ZNF93: variants seen among roughly 807,000 people sequenced by gnomAD.
ZNF93 encodes the protein zinc finger protein 505.
In ZNF93, 29 loss-of-function variants were observed where a neutral mutation model predicts 45.0. That is an observed-to-expected ratio of 0.64 (90% CI 0.48 to 0.88). ZNF93 has a LOEUF of 0.88. Ranked by LOEUF, ZNF93 falls within the 40% of genes least tolerant of loss-of-function variation. The pLI is 0.00. For synonymous variants in ZNF93, 223 were observed against 244.6 expected (o/e 0.91, Z 0.82); for missense variants, 578 against 724.0 (o/e 0.80, Z 2.31).
At chr19:19,912,793 G>C (rs1020385389) in intron 1 of ZNF93, among the ~76,000 whole-genome samples, 1 of 152,006 alleles carries the variant, frequency 6.6e-6, no homozygotes, top group Admixed American at 6.6e-5. Flanking sequence ...CTTAGTACCA[G>C]CTCCCCGGGT....
At chr19:19,916,086 A>G (rs1291951243) in intron 2 of ZNF93, among the ~76,000 whole-genome samples, 7 of 107,080 alleles carry the variant, frequency 6.5e-5, no homozygotes, top group Non-Finnish European at 1.4e-4. Flanking sequence ...TTTTTTTTTG[A>G]GACGGAGTCT....
chr19:19,916,580 G>C lies in ZNF93; in HGVS notation c.151G>C (p.Asp51His). The change falls in exon 3 of 4, where the codon GAC (aspartate) becomes CAC (histidine). Residue 51 changes from aspartate to histidine, a missense_variant. Transcript: ENST00000343769. ...AACAGGTATTGTTGTCTCTAAGCCA[G>C]ACCTGATCGCCCATCTGGAGCAAGG... ...VFLGIVVSKP[D>H]LIAHLEQGKK... The C allele has an allele frequency of 2.5e-6, 4 of 1,612,174 alleles. No individual in the cohort carries two copies. Among genetic ancestry groups the C allele is most frequent in the Non-Finnish European group, 3.4e-6 (4 of 1,179,356 alleles).
At chr19:19,911,202 A>G (rs1172506663) in intron 1 of ZNF93, among the ~76,000 whole-genome samples, 1 of 152,158 alleles carries the variant, frequency 6.6e-6, no homozygotes, top group Non-Finnish European at 1.5e-5. Context: ...GGGCAGTTCC[A>G]TTTTCTATTC....
chr19:19,920,889 C>T (rs1005854177), intron 3 of ZNF93, among the ~76,000 whole-genome samples: 4 of 152,156 alleles, frequency 2.6e-5, no homozygotes, highest in African/African-American at 9.7e-5. Context: ...TTGCAAAAAA[C>T]TAGCTCCTGG....
intron 1 of ZNF93, among the ~76,000 whole-genome samples, chr19:19,911,773 G>A (rs369132826): frequency 6.7e-6 from 1 of 149,966 alleles, no homozygotes; most frequent in African/African-American, 2.5e-5. Context: ...TTTTTGAGAT[G>A]GTGTTTCACT....
intron 1 of ZNF93, among the ~76,000 whole-genome samples, chr19:19,913,287 C>T (rs2122171161): frequency 6.6e-6 from 1 of 152,328 alleles, no homozygotes; most frequent in East Asian, 1.9e-4. Flanking sequence ...TCAGCCCAGG[C>T]TTCTCATTAG....
At chr19:19,927,641 A>G (rs1051628636) in intron 3 of ZNF93, among the ~76,000 whole-genome samples, 1 of 152,250 alleles carries the variant, frequency 6.6e-6, no homozygotes, top group Non-Finnish European at 1.5e-5. Flanking sequence ...AAAGGTGACA[A>G]GATTATTCTC....
chr19:19,910,870 G>A (rs1056168226), intron 1 of ZNF93, among the ~76,000 whole-genome samples: 1 of 152,134 alleles, frequency 6.6e-6, no homozygotes, highest in Non-Finnish European at 1.5e-5. Context: ...ATGAACAAAA[G>A]TCATTTTCTG....
intron 3 of ZNF93, among the ~76,000 whole-genome samples, chr19:19,919,427 G>C (rs1288611153): frequency 6.6e-6 from 1 of 151,952 alleles, no homozygotes; most frequent in South Asian, 2.1e-4. Flanking sequence ...GATTGACTTG[G>C]TAATGTGGGC....
chr19:19,906,532 A>G lies in ZNF93; in HGVS notation c.3+5441A>G, dbSNP rs558548160. On this transcript the variant is annotated intron_variant, in intron 1 of 3. Coordinates refer to ENST00000343769, the MANE Select transcript of ZNF93 (RefSeq NM_031218.4). ...TGCTGTGAAAACCTCTTTAGTTTAA[A>G]TAGGTCCCATTTGTCAATTTTTGCT... is the stretch of plus-strand genomic sequence containing the variant. 2.0e-5 allele frequency among the ~76,000 whole-genome samples: 3 copies of G among 152,152 alleles called. No individual in the cohort carries two copies. The South Asian group carries it at 6.2e-4, about 32-fold the overall frequency.
chr19:19,927,138 G>A (rs2063358635), intron 3 of ZNF93: 1 of 398,432 alleles, frequency 2.5e-6, no homozygotes. Flanking sequence ...GTGCTCATGT[G>A]TAATCCCAGG....
At chr19:19,919,526 C>G (rs1407373829) in intron 3 of ZNF93, among the ~76,000 whole-genome samples, 1 of 152,132 alleles carries the variant, frequency 6.6e-6, no homozygotes, top group Non-Finnish European at 1.5e-5. Flanking sequence ...GGCATTGAAT[C>G]TATAAATTAC....
chr19:19,905,245 C>T (rs895934852), intron 1 of ZNF93, among the ~76,000 whole-genome samples: 2 of 151,804 alleles, frequency 1.3e-5, no homozygotes, highest in African/African-American at 4.8e-5. Context: ...TTTGAGGTAC[C>T]CATGTGGGTT....
Position 19,934,442 on chromosome 19 carries a change from T to A in ZNF93, c.1487T>A (p.Leu496His), listed in dbSNP as rs767572646. Residue 496 changes from leucine to histidine, a missense_variant, in exon 4 of 4, where the codon CTT becomes CAT. Physicochemically the swap from Leu to His is moderately conservative, Grantham distance 99. This residue lies in a region of ZNF93 where 13 missense variants were observed against 53.3 expected (regional missense o/e 0.24). Transcript: ENST00000343769. ...AAAGCTTTTAACCAGTCCTCTTCCC[T>A]TACTAAACATAAGAAAATTCATACT... The part of the protein sequence containing the change: ...CGKAFNQSSS[L>H]TKHKKIHTGE... 1 of 1,613,310 alleles carries A rather than the reference T, an allele frequency of 6.2e-7. No individual in the cohort carries two copies. Among genetic ancestry groups the A allele is most frequent in the Admixed American group, 1.7e-5 (1 of 59,996 alleles).
intron 3 of ZNF93, among the ~76,000 whole-genome samples, chr19:19,928,963 A>G (rs1159313697): frequency 1.3e-5 from 2 of 152,172 alleles, no homozygotes; most frequent in Non-Finnish European, 2.9e-5. Context: ...TTGGATGTCT[A>G]TGTTGTCCAA....
In ZNF93 at chr19:19,934,021, C is replaced by G; in HGVS notation, c.1066C>G (p.Leu356Val). The G allele has an allele frequency of 2.5e-6, 4 of 1,613,146 alleles. No individual in the cohort carries two copies. In the Admixed American group the frequency reaches 5.0e-5, roughly 20 times the overall value. Reference sequence around the variant, plus strand: ...CAAAGCCTTTATTGCATCCTCAACCCTTAGTAGACATGAGTTCATTCATAT... The same window carrying G: ...CAAAGCCTTTATTGCATCCTCAACCGTTAGTAGACATGAGTTCATTCATAT... ...CGKAFIASST[L>V]SRHEFIHMGK... Residue 356 changes from leucine (L) to valine (V), a missense_variant, in exon 4 of 4, where the codon CTT becomes GTT. Leu to Val is a conservative substitution (Grantham distance 32). Around this residue, in one of 3 missense-constraint regions of ZNF93, gnomAD observed 446 missense variants for 547.6 expected, o/e 0.81. Coordinates refer to ENST00000343769, the MANE Select transcript of ZNF93 (RefSeq NM_031218.4).
chr19:19,911,216 G>C (rs1402742079), intron 1 of ZNF93, among the ~76,000 whole-genome samples: 3 of 152,208 alleles, frequency 2.0e-5, no homozygotes, highest in Non-Finnish European at 4.4e-5. Context: ...TCTATTCAGA[G>C]TTAGCCTGAG....
At chr19:19,924,122 T>G (rs1176428268) in intron 3 of ZNF93, among the ~76,000 whole-genome samples, 1 of 152,108 alleles carries the variant, frequency 6.6e-6, no homozygotes, top group Non-Finnish European at 1.5e-5. Flanking sequence ...GATTTCAGTC[T>G]TGTTGCCCAG....
At chr19:19,916,199 T>G (rs1463697562) in intron 2 of ZNF93, among the ~76,000 whole-genome samples, 1 of 151,920 alleles carries the variant, frequency 6.6e-6, no homozygotes, top group African/African-American at 2.4e-5. Flanking sequence ...CCCGAGTAGC[T>G]GGGACTACAG....
Sources: gnomAD v4.1 joint callset for allele counts (sites outside exome capture counted in the v4.1 genomes callset) on GRCh38, gnomAD v4.1.1 for gene constraint, gnomAD v4.1.1 regional missense constraint, MANE v1.5 for transcripts, NCBI Gene and HGNC (gene_info 2026-07-23, HGNC 2026-07-21) for gene names.